The following PARG variants were observed in gnomAD, a reference collection of about 807,000 sequenced individuals.
PARG encodes the protein mitochondrial poly(ADP-ribose) glycohydrolase.
In PARG, 35 loss-of-function variants were observed where a neutral mutation model predicts 113.0. That is an observed-to-expected ratio of 0.31 (90% CI 0.24 to 0.41). The LOEUF (loss-of-function observed/expected upper bound fraction) is 0.41. Ranked by LOEUF, PARG falls within the 10% of genes least tolerant of loss-of-function variation. The probability of loss-of-function intolerance (pLI) is 1.00; values close to 1 mark genes in which losing one functional copy is unlikely to be tolerated. For synonymous variants in PARG, 330 were observed against 409.9 expected (o/e 0.81, Z 2.36); for missense variants, 797 against 1,169.4 (o/e 0.68, Z 4.64).
At chr10:49,900,464 A>G (rs1848301291) in intron 7 of PARG, among the ~76,000 whole-genome samples, 2 of 151,360 alleles carry the variant, frequency 1.3e-5, no homozygotes, top group African/African-American at 4.8e-5. Context: ...TATGCCTCTA[A>G]TCAAAAACAG....
At chr10:49,899,518 T>C (rs546221495) in intron 7 of PARG, among the ~76,000 whole-genome samples, 1 of 152,310 alleles carries the variant, frequency 6.6e-6, no homozygotes, top group East Asian at 1.9e-4. Flanking sequence ...CAATTATGGC[T>C]TCAATAAAAA....
chr10:49,840,572 C>T (rs139610483), intron 15 of PARG, among the ~76,000 whole-genome samples: 217 of 152,134 alleles, frequency 1.4e-3, no homozygotes, highest in African/African-American at 4.8e-3. Context: ...ACACCTGTTA[C>T]GTAAGTTCAA....
intron 13 of PARG, among the ~76,000 whole-genome samples, chr10:49,854,290 A>C (rs1427094998): frequency 6.6e-6 from 1 of 151,688 alleles, no homozygotes; most frequent in Non-Finnish European, 1.5e-5. Flanking sequence ...CCCCGCTCAG[A>C]AGGCTGTCTT....
chr10:49,921,684 T>C (rs1422577219), intron 6 of PARG, among the ~76,000 whole-genome samples: 2 of 152,024 alleles, frequency 1.3e-5, no homozygotes, highest in Non-Finnish European at 2.9e-5. Context: ...TAAAAAATTC[T>C]GTCACTGTTT....
chr10:49,936,826 G>A (rs1485643677), intron 1 of PARG, among the ~76,000 whole-genome samples: 6 of 152,090 alleles, frequency 3.9e-5, no homozygotes, highest in African/African-American at 1.4e-4. Flanking sequence ...TGGCATAATC[G>A]AAATACATTT....
Position 49,869,329 on chromosome 10 carries a change from T to C in PARG, c.2068+147A>G, listed in dbSNP as rs1369299576. ...CTTATACACAACATAAGCATAAAACTAGGTTATATTGTCGCATCATTACTA... is the reference window on the plus strand; with the variant it reads ...CTTATACACAACATAAGCATAAAACCAGGTTATATTGTCGCATCATTACTA... On this transcript the variant is annotated intron_variant, in intron 10 of 17. Coordinates refer to ENST00000616448, the MANE Select transcript of PARG (RefSeq NM_003631.5). 20 of 665,848 alleles carry C rather than the reference T, an allele frequency of 3.0e-5. 2 individuals carry two copies. Among genetic ancestry groups the C allele is most frequent in the Non-Finnish European group, 4.1e-5 (15 of 361,606 alleles). The allele number at this position is 665,848 out of a possible 1,614,324, so 41.2% of individuals were successfully genotyped here. A position where few individuals can be genotyped will look rare whatever the true frequency, so the allele number is the denominator to read the frequency against.
intron 4 of PARG, among the ~76,000 whole-genome samples, chr10:49,924,886 C>A (rs1838074811): frequency 6.6e-6 from 1 of 151,642 alleles, no homozygotes; most frequent in Non-Finnish European, 1.5e-5. Context: ...GGGTCCCCAA[C>A]CCCCCGGAAT....
Position 49,848,121 on chromosome 10 carries a change from C to T in PARG, c.2354-4489G>A, listed in dbSNP as rs568073508. On this transcript the variant is annotated intron_variant, in intron 13 of 17. Transcript: ENST00000616448. ...ATCCCAGCGCTTTGGGAGGTCGAGG[C>T]GGGCGGATCACAAGGTCAAGAGATC... Among the ~76,000 whole-genome samples the T allele has an allele frequency of 4.0e-3, 596 of 150,854 alleles. 4 individuals are homozygous for T. The highest frequency in any genetic ancestry group is 0.014 in the African/African-American group (578 of 41,094).
chr10:49,941,571 G>C lies in PARG; in HGVS notation c.155C>G (p.Pro52Arg). 6.4e-7 allele frequency: 1 copy of C among 1,562,072 alleles called. No individual in the cohort carries two copies. Among genetic ancestry groups the C allele is most frequent in the South Asian group, 1.2e-5 (1 of 84,580 alleles). ...CCCTGGGACGCAGGCTGGCGAGGACGGTGGGACCCTGAACTGCACGTGAGC... is the reference window on the plus strand; with the variant it reads ...CCCTGGGACGCAGGCTGGCGAGGACCGTGGGACCCTGAACTGCACGTGAGC... The part of the protein sequence containing the change: ...KDAHVQFRVP[P>R]SSPACVPGRA... Residue 52 changes from proline to arginine, a missense_variant, in exon 1 of 18, where the codon CCG becomes CGG. Around this residue, in one of 5 missense-constraint regions of PARG, gnomAD observed 284 missense variants for 306.1 expected, o/e 0.93. Coordinates refer to ENST00000616448, the MANE Select transcript of PARG (RefSeq NM_003631.5).
rs372779996 is a variant in PARG at position 49,883,592 on chromosome 10, A to T, written c.1830+1611T>A. Among the ~76,000 whole-genome samples, 306 of 149,038 alleles carry T rather than the reference A, an allele frequency of 2.1e-3. 14 individuals are homozygous for T. In the South Asian group the frequency reaches 0.062, roughly 30 times the overall value. On this transcript the variant is annotated intron_variant, in intron 8 of 17. Transcript: ENST00000616448. ...GGCGGGCGGATCACATGAGGTCAGG[A>T]GTTCGAGACCAGCCTGGCCAAAATG...
At chr10:49,822,170 T>C (rs782696487) in intron 16 of PARG, among the ~76,000 whole-genome samples, 3 of 152,106 alleles carry the variant, frequency 2.0e-5, no homozygotes, top group African/African-American at 7.2e-5. Context: ...TGTGTGAGGA[T>C]GGACTGAAAT....
chr10:49,890,573 C>A (rs140279279), intron 7 of PARG, among the ~76,000 whole-genome samples: 2,842 of 152,218 alleles, frequency 0.019, 36 homozygotes, highest in Non-Finnish European at 0.029. Flanking sequence ...TCCCTGTGAC[C>A]CCCAACACAT....
chr10:49,916,635 C>G (rs1437300190), intron 6 of PARG, among the ~76,000 whole-genome samples: 2 of 151,948 alleles, frequency 1.3e-5, no homozygotes, highest in Non-Finnish European at 2.9e-5. Context: ...TAGCTTTTAA[C>G]TGTTTGAATA....
At chr10:49,913,840 T>C (rs1456626143) in intron 7 of PARG, among the ~76,000 whole-genome samples, 1 of 151,978 alleles carries the variant, frequency 6.6e-6, no homozygotes, top group African/African-American at 2.4e-5. Flanking sequence ...GAGGCAGAAA[T>C]TGCAGTGAGC....
chr10:49,890,764 T>G (rs1317400144), intron 7 of PARG, among the ~76,000 whole-genome samples: 2 of 152,122 alleles, frequency 1.3e-5, no homozygotes, highest in African/African-American at 4.8e-5. Flanking sequence ...AGAAAAGAGA[T>G]ATTTACTTAT....
intron 16 of PARG, among the ~76,000 whole-genome samples, chr10:49,830,223 G>A (rs181817825): frequency 4.6e-5 from 7 of 152,254 alleles, no homozygotes; most frequent in African/African-American, 1.4e-4. Context: ...AAATGACCAC[G>A]GCTTACAGCA....
chr10:49,894,118 C>G (rs2132703841), intron 7 of PARG, among the ~76,000 whole-genome samples: 1 of 152,178 alleles, frequency 6.6e-6, no homozygotes, highest in East Asian at 1.9e-4. Context: ...GTGTGAGCCA[C>G]CACACCTGGC....
At chr10:49,838,443 A>G (rs1164958628) in intron 15 of PARG, among the ~76,000 whole-genome samples, 1 of 151,034 alleles carries the variant, frequency 6.6e-6, no homozygotes, top group Admixed American at 6.6e-5. Flanking sequence ...AAAAAAAAAA[A>G]AAAAAAAAAA....
intron 1 of PARG, 68 bp from the exon 2 acceptor site, chr10:49,935,210 A>C: frequency 3.0e-6 from 2 of 660,618 alleles, no homozygotes; most frequent in Non-Finnish European, 5.5e-6. Context: ...TTGTACATGC[A>C]AGGAACTATG....
Sources: allele counts gnomAD v4.1 joint callset (sites outside exome capture counted in the v4.1 genomes callset), GRCh38; gene constraint gnomAD v4.1.1; regional missense constraint gnomAD v4.1.1; transcripts MANE v1.5; gene names NCBI Gene and HGNC (gene_info 2026-07-23, HGNC 2026-07-21).